Variants in YME1L1 observed in about 807,000 individuals in gnomAD.
YME1L1 encodes the protein YME1 like 1 ATPase.
A neutral mutation model predicts 90.4 loss-of-function variants in YME1L1; 39 were observed. The ratio of observed to expected loss-of-function variants is 0.43; its 90% CI spans 0.33 to 0.56. YME1L1 has a LOEUF of 0.56. Among genes scored for constraint, YME1L1 ranks in the 20% least tolerant of loss-of-function variants. The pLI, the probability that YME1L1 is intolerant of heterozygous loss-of-function variation, is 0.03. For missense variants in YME1L1, 617 were observed against 868.4 expected (o/e 0.71, Z 3.64); for synonymous variants, 284 against 287.3 (o/e 0.99, Z 0.12).
In YME1L1 at chr10:27,145,380, T is replaced by TC. The variant is rs749218846; in HGVS notation, c.331+47_331+48insG. ...AGCTAAGAAATGGTATCTATAATTATTAATAGTGCTAAAATATTTAATTGG... is the reference window on the plus strand; with the variant it reads ...AGCTAAGAAATGGTATCTATAATTATCTAATAGTGCTAAAATATTTAATTGG... On this transcript the variant is annotated intron_variant, in intron 3 of 18. Transcript: ENST00000376016. The TC allele has an allele frequency of 3.5e-4, 505 of 1,455,594 alleles. No individual in the cohort carries two copies. In the African/African-American group the frequency reaches 6.5e-3, roughly 19 times the overall value. 90.2% of individuals were successfully genotyped at this position (1,455,594 alleles called of 1,614,324 possible).
intron 10 of YME1L1, 128 bp from the exon 11 acceptor site, chr10:27,123,101 G>T: frequency 8.4e-7 from 1 of 1,190,500 alleles, no homozygotes; most frequent in Non-Finnish European, 1.2e-6. Flanking sequence ...AGAAAAGGAC[G>T]TCATTTTTTA....
intron 7 of YME1L1, 147 bp downstream of exon 7, chr10:27,133,892 G>A (rs1218640718): frequency 1.1e-5 from 5 of 464,616 alleles, no homozygotes; most frequent in Middle Eastern, 3.4e-4. Context: ...AAAAATCTGG[G>A]AAACTAACCA....
At chr10:27,115,150 G>C (rs2135838976) in intron 17 of YME1L1, among the ~76,000 whole-genome samples, 1 of 152,226 alleles carries the variant, frequency 6.6e-6, no homozygotes, top group Middle Eastern at 3.4e-3. Flanking sequence ...CTACTTGGGA[G>C]GCTGAGGCAG....
intron 1 of YME1L1, among the ~76,000 whole-genome samples, chr10:27,150,218 A>C (rs900027556): frequency 2.6e-5 from 4 of 152,190 alleles, no homozygotes; most frequent in African/African-American, 9.7e-5. Flanking sequence ...AAATTTACTT[A>C]ATAAATATTT....
At chr10:27,125,033 A>G (rs2056903048) in intron 9 of YME1L1, among the ~76,000 whole-genome samples, 1 of 152,220 alleles carries the variant, frequency 6.6e-6, no homozygotes, top group African/African-American at 2.4e-5. Context: ...GTTACTGCAA[A>G]TAATTTCATA....
chr10:27,154,268 G>A lies in YME1L1; in HGVS notation c.-58C>T. 1.3e-6 allele frequency: 2 copies of A among 1,560,026 alleles called. No individual in the cohort carries two copies. Among genetic ancestry groups the A allele is most frequent in the Admixed American group, 1.9e-5 (1 of 52,352 alleles). ...GCCGAAACTGTGCCCCTCTGTCCAC[G>A]GCCCGGCGGGGAGGCGCTGAGCCCT... On this transcript the variant is annotated 5_prime_UTR_variant, in exon 1 of 19. Transcript: ENST00000376016.
At chr10:27,135,695 G>A (rs1376903904) in intron 5 of YME1L1, among the ~76,000 whole-genome samples, 4 of 152,156 alleles carry the variant, frequency 2.6e-5, no homozygotes, top group Admixed American at 6.6e-5. Flanking sequence ...GAGAAACATG[G>A]CAGGTAGAGA....
At chr10:27,114,943 C>A (rs2056796560) in intron 17 of YME1L1, among the ~76,000 whole-genome samples, 1 of 152,206 alleles carries the variant, frequency 6.6e-6, no homozygotes, top group South Asian at 2.1e-4. Flanking sequence ...AGGAGAATCG[C>A]TTGAACCCAG....
chr10:27,135,284 T>G (rs565882710), intron 5 of YME1L1, among the ~76,000 whole-genome samples: 1 of 152,274 alleles, frequency 6.6e-6, no homozygotes, highest in Admixed American at 6.5e-5. Flanking sequence ...TCCCTCTATC[T>G]TTGCTAGAGG....
Position 27,154,377 on chromosome 10 carries a change from CGACA to C in YME1L1, c.-171_-168del, listed in dbSNP as rs1287279615. 1.2e-5 allele frequency: 9 copies of C among 769,808 alleles called. No individual in the cohort carries two copies. The Admixed American group carries it at 2.4e-4, about 20-fold the overall frequency. The allele number at this position is 769,808 out of a possible 1,614,324, so 47.7% of individuals were successfully genotyped here. On this transcript the variant is annotated 5_prime_UTR_variant, in exon 1 of 19. Coordinates refer to ENST00000376016, the MANE Select transcript of YME1L1 (RefSeq NM_014263.4). ...CCTCCCCTTCCTACAGCTACTGCAA[CGACA>C]GACAATCCGCCCCGGAAGGCGAGGC...
intron 2 of YME1L1, chr10:27,146,761 A>G: frequency 6.6e-6 from 1 of 152,368 alleles, no homozygotes; most frequent in East Asian, 1.9e-4. Context: ...GACACGGATT[A>G]TATAGCTCTG....
Position 27,135,044 on chromosome 10 carries a change from G to A in YME1L1, c.541-63C>T. On this transcript the variant is annotated intron_variant, in intron 5 of 18. Transcript: ENST00000376016. ...CACAGTGATACTTCCCAACAATATT[G>A]TGACCACTCAAAAAAATTCACTAAA... 2.0e-6 allele frequency: 3 copies of A among 1,475,660 alleles called. No individual in the cohort carries two copies. The South Asian group carries it at 4.0e-5, about 20-fold the overall frequency. 91.4% of individuals were successfully genotyped at this position (1,475,660 alleles called of 1,614,324 possible).
intron 4 of YME1L1, among the ~76,000 whole-genome samples, chr10:27,138,476 G>A (rs1026575535): frequency 3.3e-5 from 5 of 151,968 alleles, no homozygotes; most frequent in African/African-American, 1.2e-4. Flanking sequence ...ATTTCACTCA[G>A]TTCCTCTTTC....
In YME1L1 at chr10:27,115,043, A is replaced by G. The variant is rs2480717; in HGVS notation, c.1921-436T>C. Among the ~76,000 whole-genome samples the G allele has an allele frequency of 6.7e-3, 1,017 of 152,056 alleles. 11 individuals are homozygous for G. Among genetic ancestry groups the G allele is most frequent in the African/African-American group, 0.023 (965 of 41,478 alleles). ...CTCCGTCTCCAAAAAAAATAAAAAT[A>G]AAAACTGCATTTGAGGGCAAAGAAA... On this transcript the variant is annotated intron_variant, in intron 17 of 18. Coordinates refer to ENST00000376016, the MANE Select transcript of YME1L1 (RefSeq NM_014263.4).
intron 8 of YME1L1, chr10:27,129,437 C>G (rs1444505876): frequency 6.6e-6 from 1 of 152,026 alleles, no homozygotes; most frequent in African/African-American, 2.4e-5. Context: ...ATAGTCAAGG[C>G]TGAAAAAACA....
chr10:27,123,095 A>G, intron 10 of YME1L1, 122 bp from the exon 11 acceptor site: 1 of 1,246,316 alleles, frequency 8.0e-7, no homozygotes, highest in Non-Finnish European at 1.1e-6. Context: ...ACTGAAAGAA[A>G]AGGACGTCAT....
chr10:27,128,080 T>G (rs1223135655), intron 8 of YME1L1, among the ~76,000 whole-genome samples: 1 of 152,204 alleles, frequency 6.6e-6, no homozygotes, highest in Non-Finnish European at 1.5e-5. Flanking sequence ...ACATAAGATC[T>G]ATCAAGGAAA....
rs147349217 is a variant in YME1L1 at position 27,111,460 on chromosome 10, C to T, written c.*517G>A. Reference sequence around the variant, plus strand: ...CCACCCGCCTCAGCCTCCAAAAGTGCTGGGATTACAGATGTGAGCCATGGC... The same window carrying T: ...CCACCCGCCTCAGCCTCCAAAAGTGTTGGGATTACAGATGTGAGCCATGGC... On this transcript the variant is annotated 3_prime_UTR_variant, in exon 19 of 19. Coordinates refer to ENST00000376016, the MANE Select transcript of YME1L1 (RefSeq NM_014263.4). The T allele has an allele frequency of 0.018, 3,135 of 171,412 alleles. 183 individuals are homozygous for T. The highest frequency in any genetic ancestry group is 0.16 in the East Asian group (937 of 5,870). 10.6% of individuals were successfully genotyped at this position (171,412 alleles called of 1,614,324 possible).
intron 2 of YME1L1, chr10:27,146,910 C>T (rs564309746): frequency 2.9e-4 from 46 of 160,264 alleles, no homozygotes; most frequent in African/African-American, 9.1e-4. Context: ...TCATGCCTTA[C>T]TCATCTACGT....
Sources: gnomAD v4.1 joint callset for allele counts (sites outside exome capture counted in the v4.1 genomes callset) on GRCh38, gnomAD v4.1.1 for gene constraint, MANE v1.5 for transcripts, NCBI Gene and HGNC (gene_info 2026-07-23, HGNC 2026-07-21) for gene names.